Variants in NUP98 observed in about 807,000 individuals in gnomAD.
The protein encoded by NUP98 is nuclear pore complex protein Nup98-Nup96.
Under a neutral mutation model 191.9 loss-of-function variants are expected in NUP98, and 26 were observed. That is an observed-to-expected ratio of 0.14 (90% confidence interval 0.10 to 0.19). NUP98 has a LOEUF of 0.19. NUP98 is among the 10% of genes least tolerant of loss of function. The pLI is 1.00. For missense variants in NUP98, 1,941 were observed against 2,178.8 expected (o/e 0.89, Z 2.17); for synonymous variants, 808 against 778.4 (o/e 1.04, Z -0.63).
intron 28 of NUP98, among the ~76,000 whole-genome samples, chr11:3,688,242 C>G (rs1029181881): frequency 8.6e-5 from 13 of 151,744 alleles, no homozygotes; most frequent in African/African-American, 3.1e-4. Context: ...GGTGAAACCC[C>G]GTCTCTACTA....
chr11:3,687,701 T>C (rs1215846599), intron 28 of NUP98, among the ~76,000 whole-genome samples: 1 of 152,252 alleles, frequency 6.6e-6, no homozygotes, highest in Admixed American at 6.5e-5. Context: ...GAGACGTTGT[T>C]AAAGATCCTA....
At chr11:3,794,179 G>A (rs992601404) in intron 1 of NUP98, among the ~76,000 whole-genome samples, 5 of 152,080 alleles carry the variant, frequency 3.3e-5, no homozygotes, top group Admixed American at 6.6e-5. Flanking sequence ...CTGGCCCAAA[G>A]TCTCAAAGTT....
In NUP98 at chr11:3,686,128, TAGGCGGTAGTCCAA is replaced by T; in HGVS notation, c.4507_4520del (p.Leu1503LysfsTer12). Reference sequence around the variant, plus strand: ...TCAGCACTTCCCACAAGTGCCAGCTTAGGCGGTAGTCCAAAGGATCTGCTGTTATGCTTCGAGGC... The same window carrying T: ...TCAGCACTTCCCACAAGTGCCAGCTTAGGATCTGCTGTTATGCTTCGAGGC... On this transcript the variant is annotated frameshift_variant, in exon 29 of 33. Coordinates refer to ENST00000324932, the MANE Select transcript of NUP98 (RefSeq NM_016320.5). LOFTEE classifies it high-confidence loss of function. 6.2e-7 allele frequency: 1 copy of T among 1,614,228 alleles called. No homozygotes were observed. Among genetic ancestry groups the T allele is most frequent in the African/African-American group, 1.3e-5 (1 of 75,052 alleles).
chr11:3,788,409 C>T (rs966573117), intron 1 of NUP98, among the ~76,000 whole-genome samples: 2 of 152,074 alleles, frequency 1.3e-5, no homozygotes, highest in African/African-American at 4.8e-5. Flanking sequence ...TCGAGCCCAG[C>T]CTGGCCTACA....
At chr11:3,688,040 G>A (rs188606176) in intron 28 of NUP98, among the ~76,000 whole-genome samples, 7 of 152,298 alleles carry the variant, frequency 4.6e-5, no homozygotes, top group African/African-American at 1.4e-4. Flanking sequence ...AAGTTCTGGA[G>A]AGGGTGGTGA....
At position 3,753,586 on chromosome 11, in the gene NUP98, A is replaced by G. The variant is rs529670412; in HGVS notation, c.1175-178T>C. Among the ~76,000 whole-genome samples the G allele has an allele frequency of 8.5e-5, 13 of 152,054 alleles. No homozygotes were observed. The East Asian group carries it at 2.5e-3, about 29-fold the overall frequency. ...ATTTCACATATGCAAACAAGTCTTC[A>G]TATTTACTTAATTACATTTCAGCCT... On this transcript the variant is annotated intron_variant, in intron 10 of 32. Coordinates refer to ENST00000324932, the MANE Select transcript of NUP98 (RefSeq NM_016320.5).
rs182510039 is a variant in NUP98 at position 3,756,274 on chromosome 11, T to C, written c.1175-2866A>G. 2.5e-3 allele frequency among the ~76,000 whole-genome samples: 374 copies of C among 152,298 alleles called. 1 individual carries two copies. Among genetic ancestry groups the C allele is most frequent in the African/African-American group, 8.8e-3 (366 of 41,562 alleles). On this transcript the variant is annotated intron_variant, in intron 10 of 32. Coordinates refer to ENST00000324932, the MANE Select transcript of NUP98 (RefSeq NM_016320.5). ...GGGAAATAAATCCCAACTTACACTG[T>C]TTATACCACACATTTCCTCCGATTC...
At chr11:3,714,168 A>T (rs2134176243) in intron 18 of NUP98, among the ~76,000 whole-genome samples, 173 bp from the exon 19 acceptor site, 1 of 152,298 alleles carries the variant, frequency 6.6e-6, no homozygotes, top group South Asian at 2.1e-4. Flanking sequence ...GCAAGGAGTC[A>T]CTCCTACATT....
intron 10 of NUP98, among the ~76,000 whole-genome samples, chr11:3,758,095 A>C (rs977956554): frequency 2.0e-5 from 3 of 152,060 alleles, no homozygotes; most frequent in Non-Finnish European, 2.9e-5. Flanking sequence ...ATGCCGGCAG[A>C]CCATGAGGTC....
chr11:3,766,484 G>A (rs563909816), intron 8 of NUP98, among the ~76,000 whole-genome samples: 25 of 152,218 alleles, frequency 1.6e-4, no homozygotes, highest in African/African-American at 6.0e-4. Context: ...GAGGTCAGGA[G>A]TTTGAGACCA....
chr11:3,712,638 C>T lies in NUP98; in HGVS notation c.2668G>A (p.Ala890Thr), dbSNP rs2079053467. 6.2e-7 allele frequency: 1 copy of T among 1,613,836 alleles called. No individual in the cohort carries two copies. The highest frequency in any genetic ancestry group is 8.5e-7 in the Non-Finnish European group (1 of 1,179,984). ...GTCTGGCTTGCAGGAGGCAAAGGAG[C>T]AGTCTTCAACTTCTTTGTACTAGTT... ...SKTSTKKLKT[A>T]PLPPASQTTP... The change falls in exon 20 of 33, where the codon GCT becomes ACT. Residue 890 changes from alanine to threonine, a missense_variant. Physicochemically the swap from Ala to Thr is moderately conservative, Grantham distance 58 (BLOSUM62 0). This residue lies in a region of NUP98 where 95 missense variants were observed against 139.7 expected (regional missense o/e 0.68). Coordinates refer to ENST00000324932, the MANE Select transcript of NUP98 (RefSeq NM_016320.5).
intron 1 of NUP98, among the ~76,000 whole-genome samples, chr11:3,787,153 T>G (rs910832764): frequency 2.6e-5 from 4 of 152,196 alleles, no homozygotes; most frequent in Non-Finnish European, 5.9e-5. Flanking sequence ...TGGGTGGAAT[T>G]CCAGGAAGAA....
At chr11:3,729,740 A>AAAAAAAAAAAAAG (rs2079769698) in intron 14 of NUP98, among the ~76,000 whole-genome samples, 2 of 141,456 alleles carry the variant, frequency 1.4e-5, no homozygotes, top group Non-Finnish European at 3.1e-5. Context: ...AAAAAAAAAA[A>AAAAAAAAAAAAAG]AGGATGACGT....
intron 11 of NUP98, among the ~76,000 whole-genome samples, chr11:3,747,683 C>T (rs960988778): frequency 2.0e-5 from 3 of 152,086 alleles, no homozygotes; most frequent in Non-Finnish European, 4.4e-5. Flanking sequence ...TCATTAAGTA[C>T]CCAAACGCCC....
At chr11:3,691,266 T>G in intron 28 of NUP98, 81 bp downstream of exon 28, 2 of 1,508,074 alleles carry the variant, frequency 1.3e-6, no homozygotes, top group Non-Finnish European at 9.1e-7. Context: ...TGGGGACATA[T>G]AAAAGGGAAA....
rs762365890 is a variant in NUP98 at position 3,676,173 on chromosome 11, C to T, written c.5389G>A (p.Val1797Ile). The change falls in exon 33 of 33, where the codon GTT (valine) becomes ATT (isoleucine). Residue 1797 changes from valine (V) to isoleucine (I), a missense_variant. By Grantham distance (29) the Val-to-Ile change is conservative. This residue lies in a region of NUP98 where 1,030 missense variants were observed against 1,115.8 expected (regional missense o/e 0.92). Coordinates refer to ENST00000324932, the MANE Select transcript of NUP98 (RefSeq NM_016320.5). Reference sequence around the variant, plus strand: ...GTGCCTGGGGCTCACAGGCTCCCAACAGCCAGTTCTCGCAGATAGGACTGG... The same window carrying T: ...GTGCCTGGGGCTCACAGGCTCCCAATAGCCAGTTCTCGCAGATAGGACTGG... ...LTQSYLRELA[V>I]GSL The T allele has an allele frequency of 6.2e-7, 1 of 1,613,904 alleles. No homozygotes were observed. Among genetic ancestry groups the T allele is most frequent in the African/African-American group, 1.3e-5 (1 of 74,904 alleles).
intron 1 of NUP98, 29 bp downstream of exon 1, chr11:3,797,371 G>C (rs2082717251): frequency 7.5e-6 from 3 of 401,136 alleles, no homozygotes; most frequent in Admixed American, 4.4e-5. Context: ...TGCCGGTCTC[G>C]GCCGCTGCAG....
chr11:3,753,567 C>T (rs1464633775), intron 10 of NUP98, among the ~76,000 whole-genome samples, 159 bp from the exon 11 acceptor site: 1 of 151,682 alleles, frequency 6.6e-6, no homozygotes, highest in Non-Finnish European at 1.5e-5. Flanking sequence ...AAAAATTTCA[C>T]ATATGCAAAC....
chr11:3,751,942 T>G (rs141158780), intron 11 of NUP98, among the ~76,000 whole-genome samples: 1 of 147,274 alleles, frequency 6.8e-6, no homozygotes, highest in African/African-American at 2.5e-5. Flanking sequence ...CTTAGGGAGG[T>G]TGAGGTGGGA....
Sources: allele counts gnomAD v4.1 joint callset (sites outside exome capture counted in the v4.1 genomes callset), GRCh38; gene constraint gnomAD v4.1.1; regional missense constraint gnomAD v4.1.1; transcripts MANE v1.5; gene names NCBI Gene and HGNC (gene_info 2026-07-23, HGNC 2026-07-21).